The following LRATD1 variants were observed in gnomAD, a reference collection of about 807,000 sequenced individuals.
LRATD1 encodes LRAT domain containing 1.
LRATD1 carries 8 observed loss-of-function variants against 21.3 expected under a neutral mutation model. The ratio of observed to expected loss-of-function variants is 0.38; its 90% CI spans 0.22 to 0.68. The LOEUF is 0.68. Among genes scored for constraint, LRATD1 ranks in the 30% least tolerant of loss-of-function variants. LRATD1 has a pLI of 0.54. For missense variants in LRATD1, 380 were observed against 404.0 expected (o/e 0.94, Z 0.51); for synonymous variants, 210 against 186.2 (o/e 1.13, Z -1.04).
In LRATD1 at chr2:14,635,016, C is replaced by A; in HGVS notation, c.*158C>A. On this transcript the variant is annotated 3_prime_UTR_variant, in exon 2 of 2. Transcript: ENST00000295092. The stretch of plus-strand genomic sequence containing the variant: ...GGCCCGGGCTGCACCCCCGCATCCC[C>A]AAGCCAGCGGCAGGAAGTCTCAGGA... 3 of 1,057,024 alleles carry A rather than the reference C, an allele frequency of 2.8e-6. No individual in the cohort carries two copies. The highest frequency in any genetic ancestry group is 4.2e-6 in the Non-Finnish European group (3 of 710,474). The allele number at this position is 1,057,024 out of a possible 1,614,324, so 65.5% of individuals were successfully genotyped here. A position where few individuals can be genotyped will look rare whatever the true frequency, so the allele number is the denominator to read the frequency against.
chr2:14,641,721 G>A (rs1277452653), downstream of LRATD1, among the ~76,000 whole-genome samples: 3 of 152,268 alleles, frequency 2.0e-5, no homozygotes, highest in East Asian at 3.9e-4. Flanking sequence ...TACTTGGGTC[G>A]CACAGGACTT....
At chr2:14,651,469 C>A (rs1329420973), downstream of LRATD1, among the ~76,000 whole-genome samples, 3 of 152,154 alleles carry the variant, frequency 2.0e-5, no homozygotes, top group African/African-American at 7.2e-5. Context: ...TGCCTTATTG[C>A]TTTCCAGAGT....
chr2:14,651,824 G>T (rs1271744154), downstream of LRATD1, among the ~76,000 whole-genome samples: 2 of 151,826 alleles, frequency 1.3e-5, no homozygotes, highest in South Asian at 2.1e-4. Flanking sequence ...TTGTGGTTTT[G>T]TTTAATAGAT....
chr2:14,634,869 G>T lies in LRATD1; in HGVS notation c.*11G>T, dbSNP rs374854100. 6.2e-7 allele frequency: 1 copy of T among 1,603,590 alleles called. No individual in the cohort carries two copies. Among genetic ancestry groups the T allele is most frequent in the Non-Finnish European group, 8.5e-7 (1 of 1,173,808 alleles). ...GACGACAAGGAGTAGCCGCCTAGGG[G>T]CTGCCGGCCCCTCTGCCTCCCCCGC... On this transcript the variant is annotated 3_prime_UTR_variant, in exon 2 of 2. Coordinates refer to ENST00000295092, the MANE Select transcript of LRATD1 (RefSeq NM_145175.4).
At position 14,633,390 on chromosome 2, in the gene LRATD1, T is replaced by A. The variant is rs139651684; in HGVS notation, c.-37+453T>A. On this transcript the variant is annotated intron_variant, in intron 1 of 1. Coordinates refer to ENST00000295092, the MANE Select transcript of LRATD1 (RefSeq NM_145175.4). The surrounding 1 kb of genome is among the most constrained non-coding windows in gnomAD (Gnocchi z 7.5). ...ACACCAGTATACCAGGCTGCCAGTG[T>A]CTGGACTCCCAAGTGTCCAAAATGT... Among the ~76,000 whole-genome samples, 20 of 152,310 alleles carry A rather than the reference T, an allele frequency of 1.3e-4. No individual in the cohort carries two copies. In the East Asian group the frequency reaches 3.9e-3, roughly 30 times the overall value.
rs561705013 is a variant in LRATD1, at chr2:14,638,166, T to C, written c.*3308T>C. ...AAATAAGGAGGGGGGCTGGGTATACTTTAAACAAAACCAGTCCTGAAATGC... is the reference window on the plus strand; with the variant it reads ...AAATAAGGAGGGGGGCTGGGTATACCTTAAACAAAACCAGTCCTGAAATGC... On this transcript the variant is annotated 3_prime_UTR_variant, in exon 2 of 2. Transcript: ENST00000295092. The C allele has an allele frequency of 6.1e-6, 1 of 162,620 alleles. No individual in the cohort carries two copies. Among genetic ancestry groups the C allele is most frequent in the East Asian group, 1.9e-4 (1 of 5,132 alleles). The allele number at this position is 162,620 out of a possible 1,614,324, so 10.1% of individuals were successfully genotyped here.
At chr2:14,646,861 T>A (rs1190357552) in intron 4 of LRATD1, among the ~76,000 whole-genome samples, 1 of 152,202 alleles carries the variant, frequency 6.6e-6, no homozygotes, top group Non-Finnish European at 1.5e-5. Flanking sequence ...TTAAAACATA[T>A]CTGGTATCCA....
In LRATD1 at chr2:14,635,827, A is replaced by T; in HGVS notation, c.*969A>T. On this transcript the variant is annotated 3_prime_UTR_variant, in exon 2 of 2. Coordinates refer to ENST00000295092, the MANE Select transcript of LRATD1 (RefSeq NM_145175.4). The stretch of plus-strand genomic sequence containing the variant: ...AGAGGGAGGGGGAGGACATGGCACC[A>T]TTCCAGAAACCAGCATTGTTACAAC... 2.7e-6 allele frequency: 1 copy of T among 370,626 alleles called. No individual in the cohort carries two copies. Among genetic ancestry groups the T allele is most frequent in the Non-Finnish European group, 5.6e-6 (1 of 179,800 alleles). The allele number at this position is 370,626 out of a possible 1,614,324, so 23.0% of individuals were successfully genotyped here.
downstream of LRATD1, chr2:14,649,709 G>A (rs893518505): frequency 3.0e-5 from 6 of 197,810 alleles, no homozygotes; most frequent in Non-Finnish European, 5.3e-5. Context: ...GGAGGCCTGC[G>A]TGGACTCACA....
At position 14,634,691 on chromosome 2, in the gene LRATD1, C is replaced by G; in HGVS notation, c.712C>G (p.Pro238Ala). ...AGGEVPAGTQ[P>A]PQQQYYLKVH... ...AGGGGAGGTGCCGGCAGGCACGCAG[C>G]CCCCGCAGCAGCAGTACTATCTCAA... The change falls in exon 2 of 2, where the codon CCC becomes GCC. Residue 238 changes from proline to alanine, a missense_variant. Pro to Ala is a conservative substitution (Grantham distance 27, BLOSUM62 -1). Coordinates refer to ENST00000295092, the MANE Select transcript of LRATD1 (RefSeq NM_145175.4). 1 of 1,546,954 alleles carries G rather than the reference C, an allele frequency of 6.5e-7. No homozygotes were observed. The highest frequency in any genetic ancestry group is 8.7e-7 in the Non-Finnish European group (1 of 1,145,522).
chr2:14,634,297 CG>C lies in LRATD1; in HGVS notation c.319del (p.Asp107ThrfsTer2). On this transcript the variant is annotated frameshift_variant, in exon 2 of 2. Coordinates refer to ENST00000295092, the MANE Select transcript of LRATD1 (RefSeq NM_145175.4). LOFTEE classifies it high-confidence loss of function. Reference sequence around the variant, plus strand: ...AAGTGAGCGGTGGCCCTCAGGGCGCCGACCTAAGCGTCTACGCGGTCACCGC... The same window carrying C: ...AAGTGAGCGGTGGCCCTCAGGGCGCCACCTAAGCGTCTACGCGGTCACCGC... ...SKVSGGPQGA[D>X]LSVYAVTALP... 4 of 1,601,418 alleles carry C rather than the reference CG, an allele frequency of 2.5e-6. No homozygotes were observed. The highest frequency in any genetic ancestry group is 3.4e-6 in the Non-Finnish European group (4 of 1,178,096).
chr2:14,647,563 T>C (rs1671916624), intron 4 of LRATD1, among the ~76,000 whole-genome samples: 1 of 151,596 alleles, frequency 6.6e-6, no homozygotes, highest in African/African-American at 2.4e-5. Context: ...CCTTGGGAGG[T>C]GTTAGGTCAT....
At chr2:14,644,552 T>C (rs1671863863), downstream of LRATD1, among the ~76,000 whole-genome samples, 1 of 152,196 alleles carries the variant, frequency 6.6e-6, no homozygotes, top group African/African-American at 2.4e-5. Context: ...CAGCAGATTA[T>C]TAGCATTAGA....
downstream of LRATD1, chr2:14,641,943 A>T (rs1671810524): frequency 6.6e-6 from 1 of 152,166 alleles, no homozygotes. Flanking sequence ...TTCAACTACA[A>T]ATACCAATTT....
chr2:14,634,859 C>A lies in LRATD1; in HGVS notation c.*1C>A. The A allele has an allele frequency of 6.2e-7, 1 of 1,608,366 alleles. No homozygotes were observed. Among genetic ancestry groups the A allele is most frequent in the Non-Finnish European group, 8.5e-7 (1 of 1,176,776 alleles). On this transcript the variant is annotated 3_prime_UTR_variant, in exon 2 of 2. Coordinates refer to ENST00000295092, the MANE Select transcript of LRATD1 (RefSeq NM_145175.4). ...CGACCTCGTGGACGACAAGGAGTAG[C>A]CGCCTAGGGGCTGCCGGCCCCTCTG...
chr2:14,633,714 C>T lies in LRATD1; in HGVS notation c.-36-230C>T, dbSNP rs1671604948. ...TCTTCTGGGAGTTGGACCGAGTTCC[C>T]GGAAGGGGTCGGAGGCTGTGTGGTG... On this transcript the variant is annotated intron_variant, in intron 1 of 1. Transcript: ENST00000295092. The surrounding 1 kb of genome is among the most constrained non-coding windows in gnomAD (Gnocchi z 7.5). 6 of 466,394 alleles carry T rather than the reference C, an allele frequency of 1.3e-5. No individual in the cohort carries two copies. The highest frequency in any genetic ancestry group is 2.3e-5 in the Non-Finnish European group (6 of 261,072). 28.9% of individuals were successfully genotyped at this position (466,394 alleles called of 1,614,324 possible). A position where few individuals can be genotyped will look rare whatever the true frequency, so the allele number is the denominator to read the frequency against.
rs1671687715 is a variant in LRATD1, at chr2:14,636,308, A to T, written c.*1450A>T. ...GTGGAAATTGCTAGCAGGTTCCACG[A>T]TGTTTATTTTTTTCTCCATGTTGTA... is the stretch of plus-strand genomic sequence containing the variant. On this transcript the variant is annotated 3_prime_UTR_variant, in exon 2 of 2. Transcript: ENST00000295092. 1 of 167,096 alleles carries T rather than the reference A, an allele frequency of 6.0e-6. No homozygotes were observed. The highest frequency in any genetic ancestry group is 2.1e-4 in the South Asian group (1 of 4,838). The allele number at this position is 167,096 out of a possible 1,614,324, so 10.4% of individuals were successfully genotyped here.
At chr2:14,651,796 T>C (rs1163597329), downstream of LRATD1, among the ~76,000 whole-genome samples, 1 of 152,028 alleles carries the variant, frequency 6.6e-6, no homozygotes, top group Non-Finnish European at 1.5e-5. Context: ...GATAGAATTT[T>C]ATATTCTTGA....
In LRATD1 at chr2:14,639,271, A is replaced by T. The variant is rs1163250640; in HGVS notation, c.*4413A>T. On this transcript the variant is annotated 3_prime_UTR_variant, in exon 2 of 2. Transcript: ENST00000295092. ...AAGAAAATGTGGGAGTTGTGCAATT[A>T]GTTTTATTCTCATTTTTTGGAAGAA... 6.0e-6 allele frequency: 1 copy of T among 167,052 alleles called. No individual in the cohort carries two copies. Among genetic ancestry groups the T allele is most frequent in the Admixed American group, 6.5e-5 (1 of 15,278 alleles). The allele number at this position is 167,052 out of a possible 1,614,324, so 10.3% of individuals were successfully genotyped here. A position where few individuals can be genotyped will look rare whatever the true frequency, so the allele number is the denominator to read the frequency against.
Sources: gnomAD v4.1 joint callset for allele counts (sites outside exome capture counted in the v4.1 genomes callset) on GRCh38, gnomAD v4.1.1 for gene constraint, Gnocchi (gnomAD v3.1) non-coding constraint, MANE v1.5 for transcripts, NCBI Gene and HGNC (gene_info 2026-07-23, HGNC 2026-07-21) for gene names.